The following PLXNA4 variants were observed in gnomAD, a reference collection of about 807,000 sequenced individuals.
PLXNA4 encodes the protein plexin-A4.
A neutral mutation model predicts 191.8 loss-of-function variants in PLXNA4; 44 were observed. That is an observed-to-expected ratio of 0.23 (90% CI 0.18 to 0.29). The LOEUF (loss-of-function observed/expected upper bound fraction) is 0.29. Ranked by LOEUF, PLXNA4 falls within the 10% of genes least tolerant of loss-of-function variation. The pLI is 1.00. For synonymous variants in PLXNA4, 1,082 were observed against 1,009.5 expected, an observed-to-expected ratio of 1.07 and a Z score of -1.36; for missense variants, 1,800 against 2,488.8, an observed-to-expected ratio of 0.72 and a Z score of 5.89.
In PLXNA4 at chr7:132,298,170, AC is replaced by A. The variant is rs756830205; in HGVS notation, c.1423del (p.Val475TrpfsTer81). The A allele has an allele frequency of 6.2e-7, 1 of 1,614,182 alleles. No homozygotes were observed. The highest frequency in any genetic ancestry group is 1.1e-5 in the South Asian group (1 of 91,080). ...GNALQYETVQ[V>X]VDPGPVLRDM... ...CCGGAGGACTGGGCCGGGGTCCACC[AC>A]CTGCACCGTCTCATACTGGAGGGCG... On this transcript the variant is annotated frameshift_variant, in exon 4 of 32. Transcript: ENST00000321063. LOFTEE classifies it high-confidence loss of function.
intron 3 of PLXNA4, among the ~76,000 whole-genome samples, chr7:132,396,216 G>T (rs559076480): frequency 6.6e-6 from 1 of 152,336 alleles, no homozygotes; most frequent in Non-Finnish European, 1.5e-5. Context: ...TGAAGAGTAT[G>T]CCATGCTTTG....
At chr7:132,597,165 A>T (rs892433223) in intron 2 of PLXNA4, among the ~76,000 whole-genome samples, 2 of 152,126 alleles carry the variant, frequency 1.3e-5, no homozygotes, top group African/African-American at 2.4e-5. Flanking sequence ...CAGAATTATC[A>T]TGCCTTTCCT....
Position 132,130,318 on chromosome 7 carries a change from G to A in PLXNA4, c.*161C>T. ...AACTGGAAGAGAAGAGATCCAGGAA[G>A]GAGGGAGAAACGGAAAGAGGCAGAG... On this transcript the variant is annotated 3_prime_UTR_variant, in exon 32 of 32. Coordinates refer to ENST00000321063, the MANE Select transcript of PLXNA4 (RefSeq NM_020911.2). 1.0e-6 allele frequency: 1 copy of A among 988,090 alleles called. No individual in the cohort carries two copies. Among genetic ancestry groups the A allele is most frequent in the Non-Finnish European group, 1.5e-6 (1 of 676,628 alleles). 61.2% of individuals were successfully genotyped at this position (988,090 alleles called of 1,614,324 possible). A position where few individuals can be genotyped will look rare whatever the true frequency, so the allele number is the denominator to read the frequency against.
chr7:132,429,297 C>A (rs1428998345), intron 3 of PLXNA4, among the ~76,000 whole-genome samples: 2 of 152,186 alleles, frequency 1.3e-5, no homozygotes, highest in Non-Finnish European at 2.9e-5. Flanking sequence ...TGGTCCCACC[C>A]ACTGGACAGC....
intron 5 of PLXNA4, among the ~76,000 whole-genome samples, chr7:132,229,801 T>A (rs376916808): frequency 1.8e-4 from 28 of 151,690 alleles, no homozygotes; most frequent in African/African-American, 6.8e-4. Flanking sequence ...ACAGGTGTGG[T>A]GTGGGGCAAG....
intron 20 of PLXNA4, among the ~76,000 whole-genome samples, chr7:132,176,884 G>A (rs538213998): frequency 6.6e-5 from 10 of 151,854 alleles, no homozygotes; most frequent in East Asian, 1.9e-4. Context: ...GAGTGCATGC[G>A]TCTATGTGTG....
chr7:132,310,182 C>T (rs1801674047), intron 3 of PLXNA4, among the ~76,000 whole-genome samples: 1 of 152,192 alleles, frequency 6.6e-6, no homozygotes, highest in African/African-American at 2.4e-5. Flanking sequence ...ACACAGGTCT[C>T]AGAATTTGGA....
intron 3 of PLXNA4, among the ~76,000 whole-genome samples, chr7:132,306,492 T>G (rs1801528361): frequency 6.6e-6 from 1 of 152,138 alleles, no homozygotes; most frequent in Non-Finnish European, 1.5e-5. Flanking sequence ...GTATGATCTC[T>G]CTCAGGAGGG....
At chr7:132,507,480 C>A in intron 2 of PLXNA4, 26 bp downstream of exon 2, 1 of 1,579,124 alleles carries the variant, frequency 6.3e-7, no homozygotes, top group East Asian at 2.2e-5. Context: ...CCAACCATCC[C>A]AGCGCGCAGC....
At chr7:132,313,488 G>C (rs935441028) in intron 3 of PLXNA4, among the ~76,000 whole-genome samples, 1 of 152,178 alleles carries the variant, frequency 6.6e-6, no homozygotes, top group Non-Finnish European at 1.5e-5. Context: ...GGGAGAAGGA[G>C]ATGGGGCTTG....
chr7:132,168,105 A>C (rs1351086407), intron 22 of PLXNA4, among the ~76,000 whole-genome samples, 199 bp downstream of exon 22: 1 of 152,204 alleles, frequency 6.6e-6, no homozygotes, highest in African/African-American at 2.4e-5. Flanking sequence ...CAACAAGTCC[A>C]TGCATCCTTG....
intron 9 of PLXNA4, among the ~76,000 whole-genome samples, chr7:132,219,385 G>A (rs914146851): frequency 6.6e-6 from 1 of 152,170 alleles, no homozygotes; most frequent in African/African-American, 2.4e-5. Flanking sequence ...CTTTCCAGCT[G>A]CTTTCTACTT....
intron 1 of PLXNA4, among the ~76,000 whole-genome samples, chr7:132,572,502 ACTCAGGAAACT>A: frequency 6.6e-6 from 1 of 152,248 alleles, no homozygotes. Flanking sequence ...TCACATAGGG[ACTCAGGAAACT>A]CTTCTTCCAG....
At chr7:132,531,409 C>A (rs183330406) in intron 1 of PLXNA4, among the ~76,000 whole-genome samples, 1 of 152,200 alleles carries the variant, frequency 6.6e-6, no homozygotes, top group African/African-American at 2.4e-5. Context: ...TATTCTATTT[C>A]TCTTAATAGT....
At chr7:132,198,312 C>T (rs1162361605) in intron 13 of PLXNA4, among the ~76,000 whole-genome samples, 173 bp downstream of exon 13, 1 of 152,218 alleles carries the variant, frequency 6.6e-6, no homozygotes, top group African/African-American at 2.4e-5. Context: ...AGCTAGCTAA[C>T]TGAGCAGGCG....
At position 132,241,093 on chromosome 7, in the gene PLXNA4, T is replaced by C; in HGVS notation, c.1577A>G (p.His526Arg). Residue 526 changes from histidine to arginine, a missense_variant, in exon 5 of 32, where the codon CAC becomes CGC. Around this residue, in one of 6 missense-constraint regions of PLXNA4, gnomAD observed 1,397 missense variants for 1,880.4 expected, o/e 0.74. Coordinates refer to ENST00000321063, the MANE Select transcript of PLXNA4 (RefSeq NM_020911.2). ...CGECLGSGDPHCGWCVLHNTC... is the reference protein window; with the variant it reads ...CGECLGSGDPRCGWCVLHNTC... The stretch of plus-strand genomic sequence containing the variant: ...GTTGTGCAGCACACACCAGCCACAG[T>C]GGGGGTCGCCTGAGCCAAGGCACTC... The C allele has an allele frequency of 6.2e-7, 1 of 1,613,004 alleles. No homozygotes were observed.
At chr7:132,396,852 G>A (rs753345866) in intron 3 of PLXNA4, among the ~76,000 whole-genome samples, 3 of 152,240 alleles carry the variant, frequency 2.0e-5, no homozygotes, top group East Asian at 1.9e-4. Context: ...TCTTAACCAC[G>A]GTGCAGTGCA....
intron 2 of PLXNA4, among the ~76,000 whole-genome samples, chr7:132,583,755 C>T (rs1412474856): frequency 2.0e-5 from 3 of 152,168 alleles, no homozygotes; most frequent in African/African-American, 4.8e-5. Context: ...TATATTCTTC[C>T]TCTGTTTTTA....
intron 3 of PLXNA4, among the ~76,000 whole-genome samples, chr7:132,330,493 T>G (rs1397486718): frequency 2.6e-5 from 4 of 152,182 alleles, no homozygotes; most frequent in Non-Finnish European, 5.9e-5. Flanking sequence ...AAATAAAACT[T>G]GTCTTCTGTC....
Sources: allele counts gnomAD v4.1 joint callset (sites outside exome capture counted in the v4.1 genomes callset), GRCh38; gene constraint gnomAD v4.1.1; regional missense constraint gnomAD v4.1.1; transcripts MANE v1.5; gene names NCBI Gene and HGNC (gene_info 2026-07-23, HGNC 2026-07-21).